The following DENND2B variants were observed in gnomAD, a reference collection of about 807,000 sequenced individuals.
DENND2B encodes the protein DENN domain-containing protein 2B.
DENND2B carries 32 observed loss-of-function variants against 116.0 expected under a neutral mutation model. The observed-to-expected ratio is 0.28, with a 90% CI of 0.21 to 0.37. The LOEUF is 0.37. Ranked by LOEUF, DENND2B falls within the 10% of genes least tolerant of loss-of-function variation. The probability of loss-of-function intolerance (pLI) is 1.00; values close to 1 mark genes in which losing one functional copy is unlikely to be tolerated. For synonymous variants in DENND2B, 588 were observed against 583.9 expected, an observed-to-expected ratio of 1.01 and a Z score of -0.10; for missense variants, 1,276 against 1,477.7, an observed-to-expected ratio of 0.86 and a Z score of 2.24.
chr11:8,780,349 T>C (rs1359099326), intron 1 of DENND2B, among the ~76,000 whole-genome samples: 1 of 152,188 alleles, frequency 6.6e-6, no homozygotes, highest in Non-Finnish European at 1.5e-5. Context: ...ACTAGAGAGA[T>C]GCCATTAGAG....
intron 3 of DENND2B, among the ~76,000 whole-genome samples, chr11:8,728,997 G>A (rs1327463384): frequency 6.6e-6 from 1 of 152,288 alleles, no homozygotes; most frequent in Non-Finnish European, 1.5e-5. Context: ...CCTTAGCCAC[G>A]GGCTGTTCCG....
intron 1 of DENND2B, chr11:8,776,388 T>C: frequency 2.6e-6 from 1 of 386,752 alleles, no homozygotes; most frequent in Non-Finnish European, 5.1e-6. Flanking sequence ...CCACAAACAA[T>C]GACCAAGCAC....
At chr11:8,754,024 A>AGCGTGCGC (rs1555169704) in intron 1 of DENND2B, among the ~76,000 whole-genome samples, 2 of 142,872 alleles carry the variant, frequency 1.4e-5, no homozygotes, top group South Asian at 2.3e-4. Flanking sequence ...TAACACCAAA[A>AGCGTGCGC]GCGCGCACAC....
chr11:8,718,687 G>C, intron 4 of DENND2B: 1 of 1,197,452 alleles, frequency 8.4e-7, no homozygotes, highest in Non-Finnish European at 1.0e-6. Flanking sequence ...CAAAGGGTGG[G>C]GGTGAGGGGA....
chr11:8,695,589 T>C, intron 18 of DENND2B, 40 bp from the exon 19 acceptor site: 1 of 1,590,540 alleles, frequency 6.3e-7, no homozygotes, highest in Non-Finnish European at 8.6e-7. Flanking sequence ...GAACAGTCAT[T>C]GGAGGAAGGG....
intron 15 of DENND2B, 94 bp downstream of exon 15, chr11:8,699,119 G>A (rs1467580223): frequency 6.6e-7 from 1 of 1,512,964 alleles, no homozygotes; most frequent in African/African-American, 1.4e-5. Context: ...GAAAGGATAA[G>A]AGCCTGGTAA....
intron 1 of DENND2B, among the ~76,000 whole-genome samples, chr11:8,755,588 TC>T (rs1268858654): frequency 2.0e-5 from 3 of 152,106 alleles, no homozygotes; most frequent in African/African-American, 7.2e-5. Context: ...GGCAGATGCT[TC>T]TGGAAAAAGG....
intron 1 of DENND2B, among the ~76,000 whole-genome samples, chr11:8,765,875 TAAAAATACAA>T (rs1320961952): frequency 1.3e-5 from 2 of 151,944 alleles, no homozygotes; most frequent in Admixed American, 6.6e-5. Flanking sequence ...CTAATTTTAC[TAAAAATACAA>T]AAAATTAGCC....
intron 1 of DENND2B, chr11:8,766,783 G>A (rs1056653509): frequency 2.4e-6 from 2 of 841,746 alleles, no homozygotes; most frequent in Non-Finnish European, 3.4e-6. Context: ...TGTCATTTTA[G>A]GTGGGGGTGC....
intron 4 of DENND2B, chr11:8,719,128 C>G (rs2045671699): frequency 2.0e-6 from 2 of 985,494 alleles, no homozygotes; most frequent in Non-Finnish European, 2.4e-6. Context: ...CCCCACTCCT[C>G]AGGAAGCAGG....
intron 1 of DENND2B, among the ~76,000 whole-genome samples, chr11:8,891,727 C>T (rs1370137440): frequency 6.6e-6 from 1 of 152,060 alleles, no homozygotes; most frequent in African/African-American, 2.4e-5. Context: ...ACAGAAGCAC[C>T]CAGATTCATA....
At chr11:8,760,731 G>A (rs547855242) in intron 1 of DENND2B, among the ~76,000 whole-genome samples, 22 of 152,290 alleles carry the variant, frequency 1.4e-4, no homozygotes, top group African/African-American at 4.3e-4. Flanking sequence ...TATACACATT[G>A]TAAATCTTAG....
chr11:8,776,146 G>GCGCACACACACACACACA (rs746605997), intron 1 of DENND2B: 93 of 292,392 alleles, frequency 3.2e-4, no homozygotes, highest in African/African-American at 2.8e-3. Flanking sequence ...GCACGTGCGC[G>GCGCACACACACACACACA]CACGCGCGCG....
intron 4 of DENND2B, among the ~76,000 whole-genome samples, chr11:8,722,725 C>T (rs536331800): frequency 2.6e-5 from 4 of 152,280 alleles, no homozygotes; most frequent in East Asian, 1.9e-4. Flanking sequence ...AGGGAAAACA[C>T]GCACAGGGCA....
intron 1 of DENND2B, among the ~76,000 whole-genome samples, chr11:8,771,518 G>GTA (rs1328056181): frequency 7.0e-4 from 57 of 81,580 alleles, no homozygotes; most frequent in African/African-American, 2.8e-3. Context: ...ATATATATGT[G>GTA]TATATATATA....
At chr11:8,825,823 G>C (rs1298999841) in intron 4 of DENND2B, among the ~76,000 whole-genome samples, 1 of 152,118 alleles carries the variant, frequency 6.6e-6, no homozygotes, top group African/African-American at 2.4e-5. Flanking sequence ...TTCAATATGA[G>C]TCAACTGATG....
At position 8,726,057 on chromosome 11, in the gene DENND2B, C is replaced by T; in HGVS notation, c.1477+16G>A. 6.2e-7 allele frequency: 1 copy of T among 1,613,968 alleles called. No individual in the cohort carries two copies. The highest frequency in any genetic ancestry group is 8.5e-7 in the Non-Finnish European group (1 of 1,179,940). On this transcript the variant is annotated intron_variant, in intron 4 of 19. Transcript: ENST00000313726. ...CCCCCTGAGATGACCCAGGTGCCAC[C>T]TCTGCCATTGCTTACCCACAATATC...
intron 4 of DENND2B, among the ~76,000 whole-genome samples, chr11:8,829,097 G>A (rs993693963): frequency 3.3e-5 from 5 of 150,932 alleles, no homozygotes; most frequent in African/African-American, 1.2e-4. Context: ...TGTGTGTGGT[G>A]TGGGTATGTG....
At chr11:8,910,301 C>T (rs1278988725) in intron 1 of DENND2B, among the ~76,000 whole-genome samples, 2 of 151,654 alleles carry the variant, frequency 1.3e-5, no homozygotes, top group Non-Finnish European at 2.9e-5. Context: ...GGCAGCCACA[C>T]AGTTTGGCCT....
Sources: allele counts gnomAD v4.1 joint callset (sites outside exome capture counted in the v4.1 genomes callset), GRCh38; gene constraint gnomAD v4.1.1; transcripts MANE v1.5; gene names NCBI Gene and HGNC (gene_info 2026-07-23, HGNC 2026-07-21).